Variants in PREX2 observed in about 807,000 individuals in gnomAD.
PREX2 encodes the protein phosphatidylinositol 3,4,5-trisphosphate-dependent Rac exchanger 2 protein.
In PREX2, 107 loss-of-function variants were observed where a neutral mutation model predicts 203.2. The observed-to-expected ratio is 0.53, with a 90% confidence interval of 0.45 to 0.62. The LOEUF (loss-of-function observed/expected upper bound fraction) is 0.62. Ranked by LOEUF, PREX2 falls within the 20% of genes least tolerant of loss-of-function variation. The probability of loss-of-function intolerance (pLI) is 0.00; values close to 1 mark genes in which losing one functional copy is unlikely to be tolerated. For missense variants in PREX2, 1,777 were observed against 1,955.9 expected (o/e 0.91, Z 1.72); for synonymous variants, 672 against 663.6 (o/e 1.01, Z -0.19).
chr8:68,009,219 C>G (rs1807194043), intron 1 of PREX2, among the ~76,000 whole-genome samples: 1 of 152,168 alleles, frequency 6.6e-6, no homozygotes, highest in South Asian at 2.1e-4. Context: ...GAACTGCATT[C>G]TTGAATAACG....
At chr8:68,226,490 A>G (rs190198370) in intron 39 of PREX2, among the ~76,000 whole-genome samples, 2 of 152,276 alleles carry the variant, frequency 1.3e-5, no homozygotes, top group East Asian at 3.9e-4. Context: ...TCCATGAGCA[A>G]AGCTGGGATA....
chr8:68,028,486 A>G (rs998680347), intron 5 of PREX2, among the ~76,000 whole-genome samples: 8 of 152,218 alleles, frequency 5.3e-5, no homozygotes, highest in African/African-American at 1.9e-4. Flanking sequence ...AACTAAAAAT[A>G]TAGTTTAATA....
chr8:68,230,760 G>T (rs1266018088), intron 39 of PREX2, among the ~76,000 whole-genome samples: 1 of 152,098 alleles, frequency 6.6e-6, no homozygotes, highest in Admixed American at 6.5e-5. Context: ...CGGGTGAGTG[G>T]GCCCTGGGCA....
intron 8 of PREX2, among the ~76,000 whole-genome samples, chr8:68,047,340 A>G (rs1002608052): frequency 1.3e-5 from 2 of 151,162 alleles, no homozygotes; most frequent in African/African-American, 2.4e-5. Flanking sequence ...TATGCCAAGT[A>G]CTCCCCATAC....
intron 1 of PREX2, among the ~76,000 whole-genome samples, chr8:68,007,368 G>A (rs1294256790): frequency 1.3e-5 from 2 of 152,138 alleles, no homozygotes; most frequent in Non-Finnish European, 2.9e-5. Context: ...CTTAAAAGCA[G>A]TTCAAAAATG....
At chr8:68,138,590 T>G (rs1439279638) in intron 33 of PREX2, 73 bp downstream of exon 33, 2 of 671,394 alleles carry the variant, frequency 3.0e-6, no homozygotes, top group Non-Finnish European at 5.0e-6. Flanking sequence ...GGTATTAATA[T>G]ATTTGATAAG....
At chr8:68,049,786 A>T (rs1006632760) in intron 8 of PREX2, among the ~76,000 whole-genome samples, 3 of 152,126 alleles carry the variant, frequency 2.0e-5, no homozygotes, top group African/African-American at 7.2e-5. Flanking sequence ...AATTCTGACT[A>T]AGCACAAAGC....
rs184781532 is a variant in PREX2, at chr8:68,099,864, A to G, written c.2715+21A>G. On this transcript the variant is annotated intron_variant, in intron 23 of 39. Coordinates refer to ENST00000288368, the MANE Select transcript of PREX2 (RefSeq NM_024870.4). ...AAAAGGTAAGTGTTCTATTGATTTT[A>G]TACACAATTATTGTTGAAATTATTA... The G allele has an allele frequency of 8.8e-5, 136 of 1,538,946 alleles. 1 individual carries two copies. In the African/African-American group the frequency reaches 1.6e-3, roughly 18 times the overall value.
intron 1 of PREX2, among the ~76,000 whole-genome samples, chr8:67,955,147 CAAAA>C (rs1183491822): frequency 1.9e-5 from 1 of 51,906 alleles, no homozygotes. Context: ...GACTCCATCT[CAAAA>C]AAAAAAAAAA....
chr8:68,093,430 T>C (rs1809954126), intron 20 of PREX2, among the ~76,000 whole-genome samples, 175 bp from the exon 21 acceptor site: 1 of 150,694 alleles, frequency 6.6e-6, no homozygotes, highest in South Asian at 2.1e-4. Context: ...GAGTGTTTGT[T>C]AAACAATATA....
At position 67,952,369 on chromosome 8, in the gene PREX2, C is replaced by A. The variant is rs1005247212; in HGVS notation, c.-26C>A. ...GGTCAGCGCTCAGCACGGCGGGCAG[C>A]GCCGCGCTGCGCACCGCCGCCGACC... is the stretch of plus-strand genomic sequence containing the variant. On this transcript the variant is annotated 5_prime_UTR_variant, in exon 1 of 40. Transcript: ENST00000288368. 5 of 1,511,850 alleles carry A rather than the reference C, an allele frequency of 3.3e-6. No homozygotes were observed. The African/African-American group carries it at 5.8e-5, about 18-fold the overall frequency. 93.7% of individuals were successfully genotyped at this position (1,511,850 alleles called of 1,614,324 possible). A position where few individuals can be genotyped will look rare whatever the true frequency, so the allele number is the denominator to read the frequency against.
At chr8:68,145,082 C>A (rs1811299626) in intron 33 of PREX2, among the ~76,000 whole-genome samples, 1 of 151,792 alleles carries the variant, frequency 6.6e-6, no homozygotes, top group Non-Finnish European at 1.5e-5. Flanking sequence ...TCTGTATTTT[C>A]TTTAGTGTCC....
chr8:67,971,720 G>T (rs1007482730), intron 1 of PREX2, among the ~76,000 whole-genome samples: 1 of 152,144 alleles, frequency 6.6e-6, no homozygotes, highest in African/African-American at 2.4e-5. Flanking sequence ...CTTTGCAATA[G>T]TAATGAGAAA....
intron 23 of PREX2, chr8:68,105,322 C>G: frequency 1.5e-6 from 2 of 1,367,578 alleles, no homozygotes; most frequent in Non-Finnish European, 2.0e-6. Context: ...GAGGACCTTC[C>G]TTCTCAAGAA....
chr8:67,986,014 A>G (rs1411153577), intron 1 of PREX2, among the ~76,000 whole-genome samples: 6 of 152,210 alleles, frequency 3.9e-5, no homozygotes, highest in Non-Finnish European at 7.4e-5. Context: ...GCCAGCTGTC[A>G]CTTGGGAGAT....
chr8:68,207,530 G>A (rs2129615044), intron 37 of PREX2, among the ~76,000 whole-genome samples: 1 of 152,186 alleles, frequency 6.6e-6, no homozygotes, highest in Admixed American at 6.5e-5. Flanking sequence ...CTAGGGTCTA[G>A]AAAAGCTACA....
intron 1 of PREX2, among the ~76,000 whole-genome samples, chr8:67,991,150 T>C (rs7010720): frequency 0.43 from 65,426 of 151,990 alleles, 14,652 homozygotes; most frequent in East Asian, 0.6. Context: ...TGAAACCCCA[T>C]AAACTAGTTA....
intron 32 of PREX2, among the ~76,000 whole-genome samples, chr8:68,135,318 T>C (rs749127875): frequency 5.3e-5 from 8 of 152,124 alleles, no homozygotes; most frequent in Admixed American, 1.3e-4. Context: ...TGAGAAAATA[T>C]TTACAAATCA....
chr8:68,129,251 T>C (rs946800313), intron 31 of PREX2, among the ~76,000 whole-genome samples: 2 of 152,204 alleles, frequency 1.3e-5, no homozygotes, highest in Admixed American at 1.3e-4. Context: ...AATTCAAACT[T>C]AGGTTTGCCA....
Sources: allele counts gnomAD v4.1 joint callset (sites outside exome capture counted in the v4.1 genomes callset), GRCh38; gene constraint gnomAD v4.1.1; transcripts MANE v1.5; gene names NCBI Gene and HGNC (gene_info 2026-07-23, HGNC 2026-07-21).